Variants in GALNT15 observed in about 807,000 individuals in gnomAD.
The protein encoded by GALNT15 is UDP-GalNAc transferase T15.
GALNT15 carries 67 observed loss-of-function variants against 66.8 expected under a neutral mutation model. That is an observed-to-expected ratio of 1.00 (90% CI 0.82 to 1.23). The LOEUF (loss-of-function observed/expected upper bound fraction) is 1.23, where lower values mean the gene tolerates loss of function less well. Among genes scored for constraint, GALNT15 ranks in the 50% most tolerant of loss-of-function variants. The probability of loss-of-function intolerance (pLI) is 0.00; values close to 1 mark genes in which losing one functional copy is unlikely to be tolerated. For missense variants in GALNT15, 827 were observed against 804.3 expected (o/e 1.03, Z -0.34); for synonymous variants, 313 against 311.5 (o/e 1.00, Z -0.05).
In GALNT15 at chr3:16,219,555, G is replaced by C. The variant is rs2063918338; in HGVS notation, c.1524+21G>C. The C allele has an allele frequency of 3.1e-6, 5 of 1,612,124 alleles. No homozygotes were observed. The highest frequency in any genetic ancestry group is 2.7e-5 in the African/African-American group (2 of 74,936). On this transcript the variant is annotated intron_variant, in intron 7 of 9. Transcript: ENST00000339732. The surrounding 1 kb of genome is among the most constrained non-coding windows in gnomAD (Gnocchi z 4.3). ...GAAAGGCAAGGCATGACCCAGGGAAGATGGGGAGGGACAGGGAAGCTTCCC... is the reference window on the plus strand; with the variant it reads ...GAAAGGCAAGGCATGACCCAGGGAACATGGGGAGGGACAGGGAAGCTTCCC...
At position 16,209,633 on chromosome 3, in the gene GALNT15, C is replaced by G. The variant is rs2063791797; in HGVS notation, c.1079+963C>G. ...AGGAGTTCGAGACCAACCTGGCCAT[C>G]ATGGCGAAACCCCATCTCTACTAAA... is the stretch of plus-strand genomic sequence containing the variant. On this transcript the variant is annotated intron_variant, in intron 4 of 9. Coordinates refer to ENST00000339732, the MANE Select transcript of GALNT15 (RefSeq NM_054110.5). The surrounding 1 kb of genome is among the most constrained non-coding windows in gnomAD (Gnocchi z 4.1). 6.6e-6 allele frequency among the ~76,000 whole-genome samples: 1 copy of G among 152,090 alleles called. No homozygotes were observed. Among genetic ancestry groups the G allele is most frequent in the South Asian group, 2.1e-4 (1 of 4,826 alleles).
At chr3:16,234,775 G>A (rs932702772), downstream of GALNT15, among the ~76,000 whole-genome samples, 1 of 152,156 alleles carries the variant, frequency 6.6e-6, no homozygotes, top group African/African-American at 2.4e-5. Context: ...TGTTTCACCA[G>A]TAGTCTCAAC....
At position 16,229,162 on chromosome 3, in the gene GALNT15, G is replaced by C; in HGVS notation, c.*1662G>C. 1.0e-6 allele frequency: 1 copy of C among 985,370 alleles called. No individual in the cohort carries two copies. The highest frequency in any genetic ancestry group is 1.2e-6 in the Non-Finnish European group (1 of 829,902). 61.0% of individuals were successfully genotyped at this position (985,370 alleles called of 1,614,324 possible). A position where few individuals can be genotyped will look rare whatever the true frequency, so the allele number is the denominator to read the frequency against. On this transcript the variant is annotated 3_prime_UTR_variant, in exon 10 of 10. Coordinates refer to ENST00000339732, the MANE Select transcript of GALNT15 (RefSeq NM_054110.5). The stretch of plus-strand genomic sequence containing the variant: ...CCTTCAAATAAGAAAAACTGAGTGG[G>C]AAGTGCAGTGTTTCCAAACAATACC...
At chr3:16,223,132 C>G (rs1288691201) in intron 9 of GALNT15, among the ~76,000 whole-genome samples, 1 of 152,108 alleles carries the variant, frequency 6.6e-6, no homozygotes, top group Admixed American at 6.6e-5. Context: ...AAGTCCCTCC[C>G]CCCACCAAGA....
At chr3:16,218,221 G>C (rs2063901110) in intron 6 of GALNT15, among the ~76,000 whole-genome samples, 1 of 152,198 alleles carries the variant, frequency 6.6e-6, no homozygotes, top group Non-Finnish European at 1.5e-5. Context: ...AAAAGAGAGA[G>C]GGAAAGCAGA....
In GALNT15 at chr3:16,219,631, C is replaced by T. The variant is rs559481716; in HGVS notation, c.1524+97C>T. 24 of 1,511,280 alleles carry T rather than the reference C, an allele frequency of 1.6e-5. No homozygotes were observed. Among genetic ancestry groups the T allele is most frequent in the African/African-American group, 1.4e-4 (10 of 72,550 alleles). 93.6% of individuals were successfully genotyped at this position (1,511,280 alleles called of 1,614,324 possible). A position where few individuals can be genotyped will look rare whatever the true frequency, so the allele number is the denominator to read the frequency against. ...TTCCATGTCCCTGGTCAACCATTCA[C>T]GGTTTAGCAGGGCCTCAGAGGCCTT... On this transcript the variant is annotated intron_variant, in intron 7 of 9. Transcript: ENST00000339732. This position sits in a 1 kb window ranked among gnomAD's most constrained non-coding sequence, Gnocchi z 4.3.
chr3:16,192,200 C>A (rs752348389), intron 1 of GALNT15, among the ~76,000 whole-genome samples: 1 of 152,148 alleles, frequency 6.6e-6, no homozygotes, highest in Non-Finnish European at 1.5e-5. Context: ...ATACACCACA[C>A]GCACACACAC....
rs1159996593 is a variant in GALNT15, at chr3:16,175,190, A to G, written c.39A>G (p.Arg13=). The G allele has an allele frequency of 6.2e-7, 1 of 1,613,910 alleles. No homozygotes were observed. The highest frequency in any genetic ancestry group is 8.5e-7 in the Non-Finnish European group (1 of 1,179,962). ...LRKRYRHRPC[R]LQFLLLLLML... Reference sequence around the variant, plus strand: ...AGCGATACAGGCACAGACCATGCAGACTCCAGTTCCTCCTGCTGCTCCTGA... The same window carrying G: ...AGCGATACAGGCACAGACCATGCAGGCTCCAGTTCCTCCTGCTGCTCCTGA... Residue 13 remains arginine (R), a synonymous_variant, in exon 1 of 10, where the codon AGA becomes AGG. Coordinates refer to ENST00000339732, the MANE Select transcript of GALNT15 (RefSeq NM_054110.5). This position sits in a 1 kb window ranked among gnomAD's most constrained non-coding sequence, Gnocchi z 5.6.
intron 2 of GALNT15, among the ~76,000 whole-genome samples, chr3:16,198,406 T>A (rs569255996): frequency 7.0e-6 from 1 of 142,998 alleles, no homozygotes; most frequent in East Asian, 2.1e-4. Context: ...TTCATTTTAT[T>A]TCTACCAGAG....
chr3:16,197,269 G>A (rs1052478896), intron 2 of GALNT15, among the ~76,000 whole-genome samples: 9 of 151,976 alleles, frequency 5.9e-5, no homozygotes, highest in African/African-American at 2.2e-4. Flanking sequence ...CACCAGAGGG[G>A]ATCTGGATCC....
rs2063554286 is a variant in GALNT15 at position 16,189,765 on chromosome 3, C to G, written c.540-5995C>G. ...CTTCAAATGTATTAGCTCATTTGGT[C>G]CTTCCAACAACCTCATTTTACTGAT... On this transcript the variant is annotated intron_variant, in intron 1 of 9. Transcript: ENST00000339732. The surrounding 1 kb of genome is among the most constrained non-coding windows in gnomAD (Gnocchi z 5.1). 6.6e-6 allele frequency among the ~76,000 whole-genome samples: 1 copy of G among 152,170 alleles called. No individual in the cohort carries two copies. The highest frequency in any genetic ancestry group is 2.1e-4 in the South Asian group (1 of 4,830).
chr3:16,212,362 A>G (rs2063825456), intron 5 of GALNT15, among the ~76,000 whole-genome samples: 1 of 151,940 alleles, frequency 6.6e-6, no homozygotes, highest in African/African-American at 2.4e-5. Context: ...TGGGACAACT[A>G]CCTCTATTCT....
chr3:16,218,397 T>A (rs7642905), intron 6 of GALNT15, among the ~76,000 whole-genome samples: 23,903 of 152,132 alleles, frequency 0.16, 2,049 homozygotes, highest in Admixed American at 0.23. Flanking sequence ...CCTTGTCACC[T>A]CTCTCTTCCC....
intron 2 of GALNT15, among the ~76,000 whole-genome samples, chr3:16,196,971 T>C (rs1296365067): frequency 6.6e-5 from 10 of 152,188 alleles, no homozygotes; most frequent in Admixed American, 6.5e-4. Flanking sequence ...AGCCTGGCCA[T>C]AGCAGTGAGT....
chr3:16,247,817 A>G, the GALNT15 span, among the ~76,000 whole-genome samples: 28 of 152,278 alleles, frequency 1.8e-4, no homozygotes, highest in African/African-American at 6.5e-4. Context: ...TCCCGGACCC[A>G]GCACCTTTTT....
intron 2 of GALNT15, among the ~76,000 whole-genome samples, chr3:16,199,946 C>T (rs144191427): frequency 5.6e-4 from 86 of 152,296 alleles, no homozygotes; most frequent in African/African-American, 1.9e-3. Flanking sequence ...CTGAGTAGGA[C>T]ACTATATTAG....
chr3:16,200,626 C>A lies in GALNT15; in HGVS notation c.714C>A (p.Leu238=). ...CAACCCTGTTGATTCCAGGACAACTCAAGTCTGCTCTCAGCGAATATGTGG... is the reference window on the plus strand; with the variant it reads ...CAACCCTGTTGATTCCAGGACAACTAAAGTCTGCTCTCAGCGAATATGTGG... The part of the protein sequence containing the change: ...LVDDLSQQGQ[L]KSALSEYVAR... Residue 238 remains leucine, a synonymous_variant, in exon 3 of 10, where the codon CTC becomes CTA. Transcript: ENST00000339732. This position sits in a 1 kb window ranked among gnomAD's most constrained non-coding sequence, Gnocchi z 4.4. The A allele has an allele frequency of 6.5e-7, 1 of 1,545,716 alleles. No individual in the cohort carries two copies. The highest frequency in any genetic ancestry group is 8.7e-7 in the Non-Finnish European group (1 of 1,144,826).
chr3:16,177,054 C>T (rs1476425497), intron 1 of GALNT15, among the ~76,000 whole-genome samples: 1 of 152,188 alleles, frequency 6.6e-6, no homozygotes, highest in Non-Finnish European at 1.5e-5. Context: ...GGAGTTTTAA[C>T]TCACAGCACT....
At position 16,187,717 on chromosome 3, in the gene GALNT15, T is replaced by C. The variant is rs1251151731; in HGVS notation, c.540-8043T>C. On this transcript the variant is annotated intron_variant, in intron 1 of 9. Coordinates refer to ENST00000339732, the MANE Select transcript of GALNT15 (RefSeq NM_054110.5). The surrounding 1 kb of genome is among the most constrained non-coding windows in gnomAD (Gnocchi z 5.1). The stretch of plus-strand genomic sequence containing the variant: ...TATAAAGAAACACGATGAACAGATA[T>C]GTTGTGACCATCTTTGCACACATGA... Among the ~76,000 whole-genome samples, 2 of 152,214 alleles carry C rather than the reference T, an allele frequency of 1.3e-5. No homozygotes were observed. The highest frequency in any genetic ancestry group is 2.9e-5 in the Non-Finnish European group (2 of 68,032).
Sources: allele counts gnomAD v4.1 joint callset (sites outside exome capture counted in the v4.1 genomes callset), GRCh38; gene constraint gnomAD v4.1.1; non-coding constraint Gnocchi (gnomAD v3.1); transcripts MANE v1.5; gene names NCBI Gene and HGNC (gene_info 2026-07-23, HGNC 2026-07-21).